The following NMRK1 variants were observed in gnomAD, a reference collection of about 807,000 sequenced individuals.
NMRK1 encodes nicotinamide riboside kinase 1.
In NMRK1, 28 loss-of-function variants were observed where a neutral mutation model predicts 29.9. The observed-to-expected ratio is 0.94, with a 90% CI of 0.69 to 1.28. The LOEUF (loss-of-function observed/expected upper bound fraction) is 1.28, where lower values mean the gene tolerates loss of function less well. Ranked by LOEUF, NMRK1 falls within the 50% of genes most tolerant of loss-of-function variation. The probability of loss-of-function intolerance (pLI) is 0.00; values close to 1 mark genes in which losing one functional copy is unlikely to be tolerated. For synonymous variants in NMRK1, 58 were observed against 73.0 expected (o/e 0.79, Z 1.05); for missense variants, 218 against 233.1 (o/e 0.94, Z 0.42).
intron 4 of NMRK1, among the ~76,000 whole-genome samples, chr9:75,073,404 T>C (rs1343205529): frequency 1.3e-5 from 2 of 152,216 alleles, no homozygotes; most frequent in Admixed American, 6.6e-5. Flanking sequence ...TACTTTGTTA[T>C]GTTGCCCTAG....
intron 8 of NMRK1, among the ~76,000 whole-genome samples, chr9:75,063,237 C>T (rs1310870116): frequency 6.6e-5 from 9 of 136,132 alleles, no homozygotes; most frequent in South Asian, 2.7e-4. Context: ...ACCCAGGAGG[C>T]GGAGCTTGCA....
intron 8 of NMRK1, among the ~76,000 whole-genome samples, chr9:75,064,781 C>CA (rs779045938): frequency 4.0e-5 from 6 of 151,664 alleles, no homozygotes; most frequent in South Asian, 2.1e-4. Flanking sequence ...TGCTTCTCAC[C>CA]AAAAAAAACA....
intron 6 of NMRK1, chr9:75,069,380 A>G: frequency 2.1e-6 from 1 of 477,444 alleles, no homozygotes; most frequent in Non-Finnish European, 3.7e-6. Context: ...CAAATAGTGT[A>G]AATAACAATG....
At chr9:75,075,503 G>A (rs940570346) in intron 4 of NMRK1, among the ~76,000 whole-genome samples, 6 of 152,156 alleles carry the variant, frequency 3.9e-5, no homozygotes, top group Non-Finnish European at 8.8e-5. Flanking sequence ...AGAACATTAT[G>A]ACTTTTTAAA....
chr9:75,065,055 A>C (rs997030035), intron 8 of NMRK1, among the ~76,000 whole-genome samples: 2 of 152,212 alleles, frequency 1.3e-5, no homozygotes, highest in African/African-American at 4.8e-5. Flanking sequence ...GGTGGAGTGC[A>C]ATGGCACATT....
chr9:75,070,886 G>C (rs1433369385), intron 4 of NMRK1, among the ~76,000 whole-genome samples: 3 of 152,120 alleles, frequency 2.0e-5, no homozygotes, highest in African/African-American at 7.2e-5. Context: ...TGTATAGCAA[G>C]AGTGTTCATA....
chr9:75,074,626 A>C (rs1823889736), intron 4 of NMRK1, among the ~76,000 whole-genome samples: 1 of 152,054 alleles, frequency 6.6e-6, no homozygotes, highest in African/African-American at 2.4e-5. Flanking sequence ...GGACTCAAGT[A>C]ATCTACCCAC....
At chr9:75,075,857 A>G (rs1475412249) in intron 4 of NMRK1, among the ~76,000 whole-genome samples, 6 of 152,194 alleles carry the variant, frequency 3.9e-5, no homozygotes, top group Admixed American at 1.3e-4. Flanking sequence ...AGGGTGGCCA[A>G]TGTAGCTACT....
At chr9:75,078,660 A>G in intron 2 of NMRK1, 1 of 662,800 alleles carries the variant, frequency 1.5e-6, no homozygotes, top group African/African-American at 1.9e-5. Flanking sequence ...ATTCTGACAG[A>G]AATTTAGCAT....
intron 8 of NMRK1, chr9:75,066,370 T>G (rs570413103): frequency 6.7e-6 from 3 of 449,648 alleles, no homozygotes; most frequent in South Asian, 4.9e-5. Flanking sequence ...AAGTAGAAAT[T>G]TTACAGAAAG....
Position 75,069,101 on chromosome 9 carries a change from T to C in NMRK1, c.391A>G (p.Thr131Ala), listed in dbSNP as rs1411063396. ...PYEECKRRRSTRVYQPPDSPG... is the reference protein window; with the variant it reads ...PYEECKRRRSARVYQPPDSPG... The stretch of plus-strand genomic sequence containing the variant: ...GAGTCTGGAGGCTGATAGACCCTTG[T>C]ACTATCAAAACACGTAGGAAACTTT... Residue 131 changes from threonine to alanine, a missense_variant and splice_region_variant, in exon 7 of 9, where the codon ACA becomes GCA. Transcript: ENST00000361092. The C allele has an allele frequency of 1.9e-6, 3 of 1,603,880 alleles. No individual in the cohort carries two copies. The highest frequency in any genetic ancestry group is 2.6e-6 in the Non-Finnish European group (3 of 1,171,294).
At chr9:75,080,393 T>C (rs1433783674) in intron 2 of NMRK1, among the ~76,000 whole-genome samples, 1 of 152,200 alleles carries the variant, frequency 6.6e-6, no homozygotes, top group Admixed American at 6.5e-5. Flanking sequence ...GACTCACACC[T>C]GTAATCCCAG....
chr9:75,086,357 A>G (rs954717153), intron 1 of NMRK1, among the ~76,000 whole-genome samples: 27 of 152,198 alleles, frequency 1.8e-4, no homozygotes, highest in African/African-American at 5.3e-4. Context: ...CTATCACTAG[A>G]ATCCACACCA....
chr9:75,067,835 A>T (rs2118043958), intron 7 of NMRK1, among the ~76,000 whole-genome samples: 1 of 152,252 alleles, frequency 6.6e-6, no homozygotes, highest in South Asian at 2.1e-4. Flanking sequence ...CCTATCCTGG[A>T]GGCCAACAGG....
At position 75,068,884 on chromosome 9, in the gene NMRK1, G is replaced by C; in HGVS notation, c.496+112C>G. ...CCAGCTATGGAAAAGGAGAAGCCCAGAGTGTTCTTGCTTAAGCATCCCTTT... is the reference window on the plus strand; with the variant it reads ...CCAGCTATGGAAAAGGAGAAGCCCACAGTGTTCTTGCTTAAGCATCCCTTT... On this transcript the variant is annotated intron_variant, in intron 7 of 8. Transcript: ENST00000361092. The C allele has an allele frequency of 4.6e-6, 3 of 648,832 alleles. No homozygotes were observed. The South Asian group carries it at 6.4e-5, about 14-fold the overall frequency. 40.2% of individuals were successfully genotyped at this position (648,832 alleles called of 1,614,324 possible). A position where few individuals can be genotyped will look rare whatever the true frequency, so the allele number is the denominator to read the frequency against.
Position 75,061,321 on chromosome 9 carries a change from A to G in NMRK1, c.*227T>C. 1 of 492,610 alleles carries G rather than the reference A, an allele frequency of 2.0e-6. No homozygotes were observed. Among genetic ancestry groups the G allele is most frequent in the Non-Finnish European group, 3.6e-6 (1 of 279,396 alleles). 30.5% of individuals were successfully genotyped at this position (492,610 alleles called of 1,614,324 possible). ...TCTGACTCACTGTGAGCTCTGCTGTATCTATGCGCTCCCTGGAGAGGGAGC... is the reference window on the plus strand; with the variant it reads ...TCTGACTCACTGTGAGCTCTGCTGTGTCTATGCGCTCCCTGGAGAGGGAGC... On this transcript the variant is annotated 3_prime_UTR_variant, in exon 9 of 9. Coordinates refer to ENST00000361092, the MANE Select transcript of NMRK1 (RefSeq NM_017881.3).
intron 1 of NMRK1, 135 bp from the exon 2 acceptor site, chr9:75,083,285 C>G: frequency 4.8e-6 from 3 of 624,724 alleles, no homozygotes; most frequent in Non-Finnish European, 8.6e-6. Flanking sequence ...CCCGCATTAT[C>G]CACATTCCCG....
At chr9:75,083,827 TA>T (rs1406756899) in intron 1 of NMRK1, among the ~76,000 whole-genome samples, 1 of 152,214 alleles carries the variant, frequency 6.6e-6, no homozygotes, top group African/African-American at 2.4e-5. Context: ...TGTATGGACT[TA>T]TATAACAAGA....
intron 2 of NMRK1, among the ~76,000 whole-genome samples, chr9:75,079,947 G>A (rs190569684): frequency 3.6e-3 from 546 of 152,292 alleles, no homozygotes; most frequent in Non-Finnish European, 6.5e-3. Flanking sequence ...AGGAAAAAGG[G>A]TGACTACTTG....
Sources: gnomAD v4.1 joint callset for allele counts (sites outside exome capture counted in the v4.1 genomes callset) on GRCh38, gnomAD v4.1.1 for gene constraint, MANE v1.5 for transcripts, NCBI Gene and HGNC (gene_info 2026-07-23, HGNC 2026-07-21) for gene names.